PPP1R13B: variants seen among roughly 807,000 people sequenced by gnomAD.
PPP1R13B encodes protein phosphatase 1 regulatory subunit 13B.
Under a neutral mutation model 119.8 loss-of-function variants are expected in PPP1R13B, and 44 were observed. That is an observed-to-expected ratio of 0.37 (90% CI 0.29 to 0.47). PPP1R13B has a LOEUF of 0.47. Ranked by LOEUF, PPP1R13B falls within the 20% of genes least tolerant of loss-of-function variation. The pLI, the probability that PPP1R13B is intolerant of heterozygous loss-of-function variation, is 0.99. For synonymous variants in PPP1R13B, 542 were observed against 561.5 expected, an observed-to-expected ratio of 0.97 and a Z score of 0.49; for missense variants, 1,227 against 1,413.5, an observed-to-expected ratio of 0.87 and a Z score of 2.12.
Position 103,843,616 on chromosome 14 carries a change from T to C in PPP1R13B, c.9+3683A>G, listed in dbSNP as rs1442611370. Among the ~76,000 whole-genome samples, 3 of 152,104 alleles carry C rather than the reference T, an allele frequency of 2.0e-5. 1 individual carries two copies. Among genetic ancestry groups the C allele is most frequent in the Admixed American group, 1.3e-4 (2 of 15,270 alleles). On this transcript the variant is annotated intron_variant, in intron 1 of 16. Coordinates refer to ENST00000202556, the MANE Select transcript of PPP1R13B (RefSeq NM_015316.3). ...ACTACCAATAACAACAACAAAAAAA[T>C]ACTATTTTCATAAGGGAAAATTCCA... is the stretch of plus-strand genomic sequence containing the variant.
chr14:103,771,757 A>T (rs137866483), intron 4 of PPP1R13B, among the ~76,000 whole-genome samples: 28 of 152,332 alleles, frequency 1.8e-4, no homozygotes, highest in African/African-American at 6.7e-4. Context: ...CTGGGATTAC[A>T]GGTGTGAGCC....
chr14:103,753,241 CTTTT>C (rs35740460), intron 6 of PPP1R13B, 45 bp from the exon 7 acceptor site: 1 of 1,194,802 alleles, frequency 8.4e-7, no homozygotes, highest in African/African-American at 1.6e-5. Context: ...TTAGTTGATC[CTTTT>C]TTTTTTTCAT....
At chr14:103,825,106 G>A (rs1167210538) in intron 1 of PPP1R13B, among the ~76,000 whole-genome samples, 1 of 152,092 alleles carries the variant, frequency 6.6e-6, no homozygotes, top group Non-Finnish European at 1.5e-5. Flanking sequence ...GTGATCAGTG[G>A]TCTTTAACGT....
At chr14:103,818,204 C>CT (rs1310661514) in intron 1 of PPP1R13B, among the ~76,000 whole-genome samples, 4 of 152,144 alleles carry the variant, frequency 2.6e-5, no homozygotes, top group Non-Finnish European at 5.9e-5. Flanking sequence ...AAAATGAAAA[C>CT]TTTAACGCCT....
chr14:103,835,425 C>CTTTTT (rs71126076), intron 1 of PPP1R13B, among the ~76,000 whole-genome samples: 1 of 125,338 alleles, frequency 8.0e-6, no homozygotes, highest in Non-Finnish European at 1.7e-5. Flanking sequence ...GCGCCCAGCA[C>CTTTTT]TTTTTTTTTT....
In PPP1R13B at chr14:103,746,487, C is replaced by T. The variant is rs769349133; in HGVS notation, c.1036G>A (p.Val346Met). 7.4e-6 allele frequency: 12 copies of T among 1,613,978 alleles called. No homozygotes were observed. The Admixed American group carries it at 8.3e-5, about 11-fold the overall frequency. ...PLSTSGRVAA[V>M]GPYIQVPSAG... ...CTGGGAACCTGGATATAAGGCCCCACAGCAGCGACCCTGCCCGATGTGCTC... is the reference window on the plus strand; with the variant it reads ...CTGGGAACCTGGATATAAGGCCCCATAGCAGCGACCCTGCCCGATGTGCTC... Residue 346 changes from valine (V) to methionine (M), a missense_variant, in exon 9 of 17, where the codon GTG becomes ATG. Coordinates refer to ENST00000202556, the MANE Select transcript of PPP1R13B (RefSeq NM_015316.3).
At chr14:103,800,953 C>T (rs12880368) in intron 1 of PPP1R13B, among the ~76,000 whole-genome samples, 61,381 of 151,742 alleles carry the variant, frequency 0.4, 12,561 homozygotes, top group African/African-American at 0.43. Context: ...TGGGTTCAAG[C>T]GATTCTCCTG....
intron 1 of PPP1R13B, chr14:103,846,701 A>G: frequency 2.2e-6 from 1 of 455,850 alleles, no homozygotes; most frequent in Non-Finnish European, 4.4e-6. Context: ...GGCAGGACAA[A>G]GACACCACCA....
intron 1 of PPP1R13B, among the ~76,000 whole-genome samples, chr14:103,821,708 G>A (rs950529067): frequency 3.3e-5 from 5 of 151,948 alleles, no homozygotes; most frequent in Admixed American, 1.3e-4. Flanking sequence ...CTGAGATTGC[G>A]CCATTGCACT....
chr14:103,803,831 C>T (rs957880098), intron 1 of PPP1R13B, among the ~76,000 whole-genome samples: 1 of 152,142 alleles, frequency 6.6e-6, no homozygotes, highest in African/African-American at 2.4e-5. Context: ...ACAAATCCTG[C>T]CCCTTTCTGC....
intron 1 of PPP1R13B, among the ~76,000 whole-genome samples, chr14:103,799,093 C>T (rs1323658338): frequency 6.6e-6 from 1 of 152,102 alleles, no homozygotes; most frequent in African/African-American, 2.4e-5. Context: ...TCTGCCTCCC[C>T]AGTTCAAGCA....
At chr14:103,757,603 G>T (rs2084708733) in intron 5 of PPP1R13B, 47 bp downstream of exon 5, 2 of 1,552,162 alleles carry the variant, frequency 1.3e-6, no homozygotes, top group Non-Finnish European at 1.8e-6. Context: ...GATGGTTAAA[G>T]AAGGTACTTT....
At chr14:103,764,716 T>C (rs1332688760) in intron 4 of PPP1R13B, among the ~76,000 whole-genome samples, 1 of 152,208 alleles carries the variant, frequency 6.6e-6, no homozygotes, top group Non-Finnish European at 1.5e-5. Flanking sequence ...AAAGTTCTGT[T>C]TGGTTCCTTT....
chr14:103,770,874 G>T (rs2085051145), intron 4 of PPP1R13B, among the ~76,000 whole-genome samples: 1 of 152,168 alleles, frequency 6.6e-6, no homozygotes, highest in Non-Finnish European at 1.5e-5. Context: ...AATAATAAAA[G>T]AACTCCACAG....
At chr14:103,776,809 T>C (rs1193172831) in intron 4 of PPP1R13B, among the ~76,000 whole-genome samples, 2 of 151,080 alleles carry the variant, frequency 1.3e-5, no homozygotes, top group African/African-American at 4.9e-5. Context: ...GAGGCGGAGC[T>C]TGCAGTGAGC....
intron 4 of PPP1R13B, among the ~76,000 whole-genome samples, chr14:103,760,102 C>A (rs1169372158): frequency 6.6e-6 from 1 of 152,076 alleles, no homozygotes; most frequent in Admixed American, 6.5e-5. Context: ...GTTATAAAAA[C>A]ATAAGCTACC....
chr14:103,810,446 A>G (rs2086123733), intron 1 of PPP1R13B, among the ~76,000 whole-genome samples: 1 of 151,624 alleles, frequency 6.6e-6, no homozygotes, highest in Admixed American at 6.6e-5. Flanking sequence ...AATAAAGAAC[A>G]GTATCAATTC....
chr14:103,837,624 T>C (rs1267657525), intron 1 of PPP1R13B, among the ~76,000 whole-genome samples: 4 of 151,830 alleles, frequency 2.6e-5, no homozygotes, highest in Admixed American at 6.6e-5. Flanking sequence ...CTCCATCCGA[T>C]CTATTTACTG....
chr14:103,750,192 A>G (rs1292218385), intron 7 of PPP1R13B, among the ~76,000 whole-genome samples: 1 of 119,104 alleles, frequency 8.4e-6, no homozygotes, highest in Non-Finnish European at 1.8e-5. Context: ...TGATGATTAC[A>G]GGAGACTAGT....
Sources: gnomAD v4.1 joint callset for allele counts (sites outside exome capture counted in the v4.1 genomes callset) on GRCh38, gnomAD v4.1.1 for gene constraint, MANE v1.5 for transcripts, NCBI Gene and HGNC (gene_info 2026-07-23, HGNC 2026-07-21) for gene names.